Variants in CCDC30 observed in about 807,000 individuals in gnomAD.
CCDC30 encodes the protein coiled-coil domain containing 30, also known as coiled-coil domain-containing protein 30.
CCDC30 carries 70 observed loss-of-function variants against 100.2 expected under a neutral mutation model. The observed-to-expected ratio is 0.70, with a 90% CI of 0.58 to 0.85. The LOEUF is 0.85. Among genes scored for constraint, CCDC30 ranks in the 40% least tolerant of loss-of-function variants. The probability of loss-of-function intolerance (pLI) is 0.00; values close to 1 mark genes in which losing one functional copy is unlikely to be tolerated. For missense variants in CCDC30, 652 were observed against 771.2 expected (o/e 0.85, Z 1.83); for synonymous variants, 233 against 269.5 (o/e 0.86, Z 1.33).
At chr1:42,570,818 G>A (rs1345977424) in intron 7 of CCDC30, among the ~76,000 whole-genome samples, 1 of 151,860 alleles carries the variant, frequency 6.6e-6, no homozygotes, top group Admixed American at 6.6e-5. Flanking sequence ...TTACAATATA[G>A]TATTCTATTG....
At chr1:42,501,654 T>C (rs1644314345) in intron 6 of CCDC30, among the ~76,000 whole-genome samples, 1 of 152,222 alleles carries the variant, frequency 6.6e-6, no homozygotes, top group Non-Finnish European at 1.5e-5. Context: ...CCTTTCTGTT[T>C]GTTAGTTTTC....
intron 6 of CCDC30, among the ~76,000 whole-genome samples, chr1:42,546,395 A>T (rs1570003285): frequency 2.6e-4 from 3 of 11,408 alleles, no homozygotes; most frequent in African/African-American, 6.4e-4. Flanking sequence ...CAAAAAAAAA[A>T]AAAAATATAT....
intron 6 of CCDC30, among the ~76,000 whole-genome samples, chr1:42,550,308 C>T (rs1645224738): frequency 6.6e-6 from 1 of 152,194 alleles, no homozygotes; most frequent in East Asian, 1.9e-4. Flanking sequence ...TCCCTGCTTC[C>T]ATACCCTCCT....
At chr1:42,573,174 T>C (rs774083239) in intron 7 of CCDC30, among the ~76,000 whole-genome samples, 1 of 152,196 alleles carries the variant, frequency 6.6e-6, no homozygotes, top group Non-Finnish European at 1.5e-5. Flanking sequence ...CCCATGAATA[T>C]TGACACACAA....
chr1:42,553,625 T>G lies in CCDC30; in HGVS notation c.457-12671T>G, dbSNP rs115289545. ...GAGCTATGATCGCCCCACTGCACTC[T>G]AGCCTGGGTGACAAGGTGAGATTCC... On this transcript the variant is annotated intron_variant, in intron 6 of 16. Transcript: ENST00000668663. Among the ~76,000 whole-genome samples the G allele has an allele frequency of 4.6e-3, 673 of 147,496 alleles. 3 individuals carry two copies. Among genetic ancestry groups the G allele is most frequent in the African/African-American group, 0.016 (640 of 40,076 alleles).
intron 6 of CCDC30, among the ~76,000 whole-genome samples, chr1:42,499,944 G>A (rs1389222848): frequency 4.6e-5 from 7 of 152,170 alleles, no homozygotes; most frequent in Non-Finnish European, 7.4e-5. Context: ...TTTCACTGTC[G>A]TCCCACCCCA....
chr1:42,629,216 T>A (rs539674935), intron 11 of CCDC30, among the ~76,000 whole-genome samples: 1 of 152,366 alleles, frequency 6.6e-6, no homozygotes, highest in South Asian at 2.1e-4. Context: ...ACAGAACCAG[T>A]GTTGATGAAA....
At chr1:42,636,382 G>A (rs1035916643) in intron 11 of CCDC30, among the ~76,000 whole-genome samples, 2 of 152,048 alleles carry the variant, frequency 1.3e-5, no homozygotes, top group East Asian at 3.9e-4. Flanking sequence ...CTCCAGCCTG[G>A]GTGACAGAGT....
At chr1:42,525,636 T>G (rs1644712307) in intron 6 of CCDC30, among the ~76,000 whole-genome samples, 1 of 152,234 alleles carries the variant, frequency 6.6e-6, no homozygotes, top group South Asian at 2.1e-4. Context: ...ACATTATGAA[T>G]TTTATATTGT....
chr1:42,601,398 G>A (rs777128827), intron 10 of CCDC30, among the ~76,000 whole-genome samples: 18 of 152,128 alleles, frequency 1.2e-4, no homozygotes, highest in Non-Finnish European at 2.2e-4. Flanking sequence ...CCACAAAATC[G>A]TGCTATTTAT....
At chr1:42,475,160 T>C (rs1454239482) in intron 1 of CCDC30, among the ~76,000 whole-genome samples, 1 of 152,062 alleles carries the variant, frequency 6.6e-6, no homozygotes, top group Non-Finnish European at 1.5e-5. Context: ...ATGGGAAACA[T>C]AGTGTATGAT....
chr1:42,459,675 T>C (rs1303762855), upstream of CCDC30: 4 of 1,614,194 alleles, frequency 2.5e-6, no homozygotes, highest in South Asian at 4.4e-5. Context: ...ATTTATAATT[T>C]CCTTTAAGTT....
At chr1:42,551,796 C>T (rs915531249) in intron 6 of CCDC30, among the ~76,000 whole-genome samples, 2 of 146,068 alleles carry the variant, frequency 1.4e-5, no homozygotes, top group Non-Finnish European at 3.0e-5. Flanking sequence ...GCTGTGTCAT[C>T]CAGGTTGGAG....
intron 3 of CCDC30, among the ~76,000 whole-genome samples, chr1:42,484,053 C>T (rs1392999460): frequency 7.4e-6 from 1 of 135,624 alleles, no homozygotes; most frequent in Admixed American, 7.6e-5. Context: ...GTATAGGTTA[C>T]TTTAGAATCA....
intron 12 of CCDC30, among the ~76,000 whole-genome samples, chr1:42,641,953 T>TGC (rs1647440653): frequency 1.3e-5 from 2 of 151,990 alleles, no homozygotes; most frequent in African/African-American, 4.8e-5. Context: ...GGGCTGGGCA[T>TGC]GGTGGCTCAC....
intron 11 of CCDC30, among the ~76,000 whole-genome samples, chr1:42,625,373 T>C (rs1480646125): frequency 6.6e-6 from 1 of 152,162 alleles, no homozygotes; most frequent in Non-Finnish European, 1.5e-5. Flanking sequence ...ATTTCATTTA[T>C]CTCTGCTCTG....
At position 42,536,603 on chromosome 1, in the gene CCDC30, T is replaced by G; in HGVS notation, c.457-29693T>G. Reference sequence around the variant, plus strand: ...AAGGCCTTGAAAGTTGAAAGTGAGGTATTACCATTCAGGAAGCTGTTTTCT... The same window carrying G: ...AAGGCCTTGAAAGTTGAAAGTGAGGGATTACCATTCAGGAAGCTGTTTTCT... On this transcript the variant is annotated intron_variant, in intron 6 of 16. Transcript: ENST00000668663. 405 of 1,386,744 alleles carry G rather than the reference T, an allele frequency of 2.9e-4. No homozygotes were observed. Among genetic ancestry groups the G allele is most frequent in the Non-Finnish European group, 3.8e-4 (370 of 979,472 alleles). The allele number at this position is 1,386,744 out of a possible 1,614,324, so 85.9% of individuals were successfully genotyped here.
Position 42,556,843 on chromosome 1 carries a change from A to G in CCDC30, c.457-9453A>G, listed in dbSNP as rs111406614. Reference sequence around the variant, plus strand: ...CTGTTGACATCTGCCCTAGCCAGACAGGATTTGGGGATGGTAGGATGCACC... The same window carrying G: ...CTGTTGACATCTGCCCTAGCCAGACGGGATTTGGGGATGGTAGGATGCACC... On this transcript the variant is annotated intron_variant, in intron 6 of 16. Transcript: ENST00000668663. Among the ~76,000 whole-genome samples, 932 of 152,336 alleles carry G rather than the reference A, an allele frequency of 6.1e-3. 5 individuals carry two copies. Among genetic ancestry groups the G allele is most frequent in the African/African-American group, 0.021 (870 of 41,584 alleles).
intron 11 of CCDC30, among the ~76,000 whole-genome samples, chr1:42,612,208 T>G (rs1305351422): frequency 6.6e-6 from 1 of 152,246 alleles, no homozygotes; most frequent in African/African-American, 2.4e-5. Flanking sequence ...TTCATGAAGT[T>G]GATATGCCCT....
Sources: gnomAD v4.1 joint callset for allele counts (sites outside exome capture counted in the v4.1 genomes callset) on GRCh38, gnomAD v4.1.1 for gene constraint, MANE v1.5 for transcripts, NCBI Gene and HGNC (gene_info 2026-07-23, HGNC 2026-07-21) for gene names.